CUL7: variants seen among roughly 807,000 people sequenced by gnomAD.
CUL7 encodes the protein cullin-7.
In CUL7, 96 loss-of-function variants were observed where a neutral mutation model predicts 177.7. The ratio of observed to expected loss-of-function variants is 0.54; its 90% CI spans 0.46 to 0.64. CUL7 has a LOEUF of 0.64. Ranked by LOEUF, CUL7 falls within the 30% of genes least tolerant of loss-of-function variation. The pLI, the probability that CUL7 is intolerant of heterozygous loss-of-function variation, is 0.00. For synonymous variants in CUL7, 824 were observed against 890.2 expected (o/e 0.93, Z 1.32); for missense variants, 1,893 against 2,187.9 (o/e 0.87, Z 2.69).
intron 19 of CUL7, among the ~76,000 whole-genome samples, chr6:43,041,685 GGGGAA>G (rs934142606): frequency 1.1e-4 from 16 of 150,556 alleles, no homozygotes; most frequent in African/African-American, 2.7e-4. Context: ...GGGAAAGGAA[GGGGAA>G]GGGAAGGGAA....
chr6:43,041,973 C>T (rs1763455678), intron 19 of CUL7, among the ~76,000 whole-genome samples: 3 of 133,336 alleles, frequency 2.2e-5, no homozygotes, highest in Admixed American at 8.4e-5. Context: ...CACTGCACTC[C>T]AGCCTGGGCA....
chr6:43,045,173 G>T lies in CUL7; in HGVS notation c.3038+54C>A. 1 of 1,572,784 alleles carries T rather than the reference G, an allele frequency of 6.4e-7. No homozygotes were observed. The highest frequency in any genetic ancestry group is 8.7e-7 in the Non-Finnish European group (1 of 1,155,340). ...ATGGACCCCTGCCTGCCAGCTATTT[G>T]CAATAGCCTTACCTTTCCCACAGAC... is the stretch of plus-strand genomic sequence containing the variant. On this transcript the variant is annotated intron_variant, in intron 15 of 25. Coordinates refer to ENST00000265348, the MANE Select transcript of CUL7 (RefSeq NM_014780.5). This position sits in a 1 kb window ranked among gnomAD's most constrained non-coding sequence, Gnocchi z 4.8.
In CUL7 at chr6:43,038,277, A is replaced by G. The variant is rs759300846; in HGVS notation, c.4763T>C (p.Leu1588Pro). 2.5e-6 allele frequency: 4 copies of G among 1,614,040 alleles called. No homozygotes were observed. Among genetic ancestry groups the G allele is most frequent in the East Asian group, 2.2e-5 (1 of 44,894 alleles). Reference sequence around the variant, plus strand: ...CCCACCCCTGCCTACCAGACAGACAAGCTGGTCAATGTGCAGCCCCTCATC... The same window carrying G: ...CCCACCCCTGCCTACCAGACAGACAGGCTGGTCAATGTGCAGCCCCTCATC... Reference protein sequence around the residue: ...HGDEGLHIDQLVCLVLEAWQK... With the variant: ...HGDEGLHIDQPVCLVLEAWQK... The change falls in exon 25 of 26, where the codon CTT (leucine) becomes CCT (proline). Residue 1588 changes from leucine to proline, a missense_variant. By Grantham distance (98) the Leu-to-Pro change is moderately conservative. Transcript: ENST00000265348.
rs759520344 is a variant in CUL7, at chr6:43,049,963, C to G, written c.1569G>C (p.Glu523Asp). 1 of 1,613,750 alleles carries G rather than the reference C, an allele frequency of 6.2e-7. No homozygotes were observed. Among genetic ancestry groups the G allele is most frequent in the East Asian group, 2.2e-5 (1 of 44,886 alleles). ...LQILQENLDG[E>D]ILDDEILAEL... Reference sequence around the variant, plus strand: ...CTGAGTGTCTCCAGGCTGGCTCTACCTCCCCATCTAGGTTCTCCTGGAGGA... The same window carrying G: ...CTGAGTGTCTCCAGGCTGGCTCTACGTCCCCATCTAGGTTCTCCTGGAGGA... Residue 523 changes from glutamate to aspartate, a missense_variant and splice_region_variant, in exon 6 of 26, where the codon GAG becomes GAC. Transcript: ENST00000265348.
rs1447335132 is a variant in CUL7, at chr6:43,050,883, G to T, written c.1233+85C>A. The T allele has an allele frequency of 1.3e-5, 20 of 1,531,838 alleles. No homozygotes were observed. The Admixed American group carries it at 2.9e-4, about 22-fold the overall frequency. The allele number at this position is 1,531,838 out of a possible 1,614,324, so 94.9% of individuals were successfully genotyped here. A position where few individuals can be genotyped will look rare whatever the true frequency, so the allele number is the denominator to read the frequency against. ...CTAAAGCTTTCTCTTTGGGTGGCCT[G>T]CTGGAGCCCCCCCATATAGAAGTCC... On this transcript the variant is annotated intron_variant, in intron 4 of 25. Transcript: ENST00000265348. The surrounding 1 kb of genome is among the most constrained non-coding windows in gnomAD (Gnocchi z 4.1).
Position 43,053,448 on chromosome 6 carries a change from T to C in CUL7, c.-9+174A>G, listed in dbSNP as rs895468603. 1.3e-5 allele frequency among the ~76,000 whole-genome samples: 2 copies of C among 150,556 alleles called. No homozygotes were observed. Among genetic ancestry groups the C allele is most frequent in the African/African-American group, 2.5e-5 (1 of 40,778 alleles). ...TAGGCGAGGGGCTTGGGGACCGAGG[T>C]TGGAGACTGGAGAAGCCAGGGGCGC... On this transcript the variant is annotated intron_variant, in intron 1 of 25. Transcript: ENST00000265348. The surrounding 1 kb of genome is among the most constrained non-coding windows in gnomAD (Gnocchi z 4.1).
chr6:43,050,638 C>T lies in CUL7; in HGVS notation c.1234-240G>A, dbSNP rs1764319386. On this transcript the variant is annotated intron_variant, in intron 4 of 25. Transcript: ENST00000265348. The surrounding 1 kb of genome is among the most constrained non-coding windows in gnomAD (Gnocchi z 4.1). ...CTTCTCCTTTGGGGGATGGGCCTGT[C>T]TCTCCTCTCACCCTGTCTTTCATGG... 6.6e-6 allele frequency among the ~76,000 whole-genome samples: 1 copy of T among 151,146 alleles called. No individual in the cohort carries two copies. Among genetic ancestry groups the T allele is most frequent in the Non-Finnish European group, 1.5e-5 (1 of 67,878 alleles).
In CUL7 at chr6:43,053,662, CACAGA is replaced by C. The variant is rs1764656812; in HGVS notation, c.-54_-50del. The C allele has an allele frequency of 7.1e-7, 1 of 1,399,954 alleles. No individual in the cohort carries two copies. Among genetic ancestry groups the C allele is most frequent in the Non-Finnish European group, 9.2e-7 (1 of 1,082,642 alleles). The allele number at this position is 1,399,954 out of a possible 1,614,324, so 86.7% of individuals were successfully genotyped here. ...GGGTCCTGGCGCGAGGCCTGTCCTT[CACAGA>C]GCAAGGGACGCGGCACAGACGCTGG... is the stretch of plus-strand genomic sequence containing the variant. On this transcript the variant is annotated 5_prime_UTR_variant, in exon 1 of 26. Coordinates refer to ENST00000265348, the MANE Select transcript of CUL7 (RefSeq NM_014780.5). This position sits in a 1 kb window ranked among gnomAD's most constrained non-coding sequence, Gnocchi z 4.1.
At position 43,053,711 on chromosome 6, in the gene CUL7, C is replaced by G; in HGVS notation, c.-98G>C. 2 of 1,439,608 alleles carry G rather than the reference C, an allele frequency of 1.4e-6. No homozygotes were observed. Among genetic ancestry groups the G allele is most frequent in the East Asian group, 2.7e-5 (1 of 36,826 alleles). 89.2% of individuals were successfully genotyped at this position (1,439,608 alleles called of 1,614,324 possible). On this transcript the variant is annotated 5_prime_UTR_variant, in exon 1 of 26. Coordinates refer to ENST00000265348, the MANE Select transcript of CUL7 (RefSeq NM_014780.5). The surrounding 1 kb of genome is among the most constrained non-coding windows in gnomAD (Gnocchi z 4.1). ...ACGCTGGCGGCGACTTGGGCCCCAC[C>G]TGGGCCCCGCGAGGGGGTCGAGACG...
chr6:43,053,777 A>T lies in CUL7; in HGVS notation c.-164T>A. 6.5e-7 allele frequency: 1 copy of T among 1,531,090 alleles called. No homozygotes were observed. 94.8% of individuals were successfully genotyped at this position (1,531,090 alleles called of 1,614,324 possible). A position where few individuals can be genotyped will look rare whatever the true frequency, so the allele number is the denominator to read the frequency against. ...GCGTGCCTCCGCGGAACAGAGCTGC[A>T]CCCGCGTGAGTCGGCAGCCACTGGG... On this transcript the variant is annotated 5_prime_UTR_variant, in exon 1 of 26. Transcript: ENST00000265348. This position sits in a 1 kb window ranked among gnomAD's most constrained non-coding sequence, Gnocchi z 4.1.
At position 43,038,426 on chromosome 6, in the gene CUL7, C is replaced by T; in HGVS notation, c.4614G>A (p.Trp1538Ter). The T allele has an allele frequency of 1.9e-6, 3 of 1,614,194 alleles. No homozygotes were observed. Among genetic ancestry groups the T allele is most frequent in the Non-Finnish European group, 2.5e-6 (3 of 1,180,048 alleles). Residue 1538 changes from tryptophan to a stop codon, truncating the protein, a stop_gained, in exon 25 of 26, where the codon TGG becomes TGA. Coordinates refer to ENST00000265348, the MANE Select transcript of CUL7 (RefSeq NM_014780.5). LOFTEE classifies it high-confidence loss of function. Reference protein sequence around the residue: ...RDGSKEPRSRWDIVRLIPPQT... With the variant: ...RDGSKEPRSR ...GAGGTGGGATGAGCCGCACAATGTC[C>T]CATCTCGACCTGGGTTCCTTGCTGC...
chr6:43,050,504 GT>G lies in CUL7; in HGVS notation c.1234-107del. 8.2e-7 allele frequency: 1 copy of G among 1,217,652 alleles called. No individual in the cohort carries two copies. The allele number at this position is 1,217,652 out of a possible 1,614,324, so 75.4% of individuals were successfully genotyped here. A position where few individuals can be genotyped will look rare whatever the true frequency, so the allele number is the denominator to read the frequency against. ...GCCCTCAGGGTGACCACCTGGCCAGGTTTTAGAAAAACCTCCACATAACAAA... is the reference window on the plus strand; with the variant it reads ...GCCCTCAGGGTGACCACCTGGCCAGGTTTAGAAAAACCTCCACATAACAAA... On this transcript the variant is annotated intron_variant, in intron 4 of 25. Transcript: ENST00000265348. The surrounding 1 kb of genome is among the most constrained non-coding windows in gnomAD (Gnocchi z 4.1).
chr6:43,044,150 C>T (rs1452678194), intron 16 of CUL7, among the ~76,000 whole-genome samples: 2 of 151,900 alleles, frequency 1.3e-5, no homozygotes, highest in Non-Finnish European at 2.9e-5. Context: ...TGGAGAAACC[C>T]CATCTCTACT....
At chr6:43,044,726 AT>A (rs1356916565) in intron 16 of CUL7, 25 bp downstream of exon 16, 1 of 1,595,098 alleles carries the variant, frequency 6.3e-7, no homozygotes, top group Non-Finnish European at 8.6e-7. Flanking sequence ...TGAGATAGTA[AT>A]GGGTCCAGAT....
In CUL7 at chr6:43,053,710, C is replaced by G. The variant is rs1400271276; in HGVS notation, c.-97G>C. The G allele has an allele frequency of 2.8e-6, 4 of 1,438,186 alleles. No individual in the cohort carries two copies. The highest frequency in any genetic ancestry group is 3.6e-6 in the Non-Finnish European group (4 of 1,099,698). 89.1% of individuals were successfully genotyped at this position (1,438,186 alleles called of 1,614,324 possible). A position where few individuals can be genotyped will look rare whatever the true frequency, so the allele number is the denominator to read the frequency against. The stretch of plus-strand genomic sequence containing the variant: ...GACGCTGGCGGCGACTTGGGCCCCA[C>G]CTGGGCCCCGCGAGGGGGTCGAGAC... On this transcript the variant is annotated 5_prime_UTR_variant, in exon 1 of 26. Transcript: ENST00000265348. The surrounding 1 kb of genome is among the most constrained non-coding windows in gnomAD (Gnocchi z 4.1).
chr6:43,051,974 T>C lies in CUL7; in HGVS notation c.581-211A>G. The C allele has an allele frequency of 1.1e-6, 1 of 931,390 alleles. No homozygotes were observed. The highest frequency in any genetic ancestry group is 1.6e-6 in the Non-Finnish European group (1 of 621,998). The allele number at this position is 931,390 out of a possible 1,614,324, so 57.7% of individuals were successfully genotyped here. The stretch of plus-strand genomic sequence containing the variant: ...ATAGTCTAAACTCTAAATTCTTCCT[T>C]TGCATAAAAAGCAACTAATTAATAT... On this transcript the variant is annotated intron_variant, in intron 2 of 25. Coordinates refer to ENST00000265348, the MANE Select transcript of CUL7 (RefSeq NM_014780.5). This position sits in a 1 kb window ranked among gnomAD's most constrained non-coding sequence, Gnocchi z 5.0.
At chr6:43,041,480 C>T (rs1286123961) in intron 19 of CUL7, among the ~76,000 whole-genome samples, 1 of 152,012 alleles carries the variant, frequency 6.6e-6, no homozygotes. Flanking sequence ...TGGTGGCACA[C>T]GCCTATGGTC....
chr6:43,053,842 CA>C lies in CUL7; in HGVS notation c.-230del. 1 of 1,533,172 alleles carries C rather than the reference CA, an allele frequency of 6.5e-7. No homozygotes were observed. Among genetic ancestry groups the C allele is most frequent in the South Asian group, 1.2e-5 (1 of 83,958 alleles). 95.0% of individuals were successfully genotyped at this position (1,533,172 alleles called of 1,614,324 possible). A position where few individuals can be genotyped will look rare whatever the true frequency, so the allele number is the denominator to read the frequency against. On this transcript the variant is annotated 5_prime_UTR_variant, in exon 1 of 26. Transcript: ENST00000265348. This position sits in a 1 kb window ranked among gnomAD's most constrained non-coding sequence, Gnocchi z 4.1. The stretch of plus-strand genomic sequence containing the variant: ...GGTCCCTGCCAGCGGCTCCGCCAGC[CA>C]AAAGCCACGGCTCATTTCCGCCCGA...
rs369045809 is a variant in CUL7, at chr6:43,038,470, C to T, written c.4570G>A (p.Val1524Ile). ...TTGCTGCCATCTCGAATCTTGAGGA[C>T]CCCTGAAATAAATGCTGATCACTCA... ...LHEQKDIPGGVLKIRDGSKEP... is the reference protein window; with the variant it reads ...LHEQKDIPGGILKIRDGSKEP... The change falls in exon 25 of 26, where the codon GTC (valine) becomes ATC (isoleucine). Residue 1524 changes from valine to isoleucine, a missense_variant and splice_region_variant. Physicochemically the swap from Val to Ile is conservative, Grantham distance 29. This residue lies in a region of CUL7 where 248 missense variants were observed against 262.5 expected (regional missense o/e 0.94). Transcript: ENST00000265348. The T allele has an allele frequency of 2.2e-5, 36 of 1,614,120 alleles. No homozygotes were observed. The highest frequency in any genetic ancestry group is 1.6e-4 in the Middle Eastern group (1 of 6,062).
Sources: gnomAD v4.1 joint callset for allele counts (sites outside exome capture counted in the v4.1 genomes callset) on GRCh38, gnomAD v4.1.1 for gene constraint, gnomAD v4.1.1 regional missense constraint, Gnocchi (gnomAD v3.1) non-coding constraint, MANE v1.5 for transcripts, NCBI Gene and HGNC (gene_info 2026-07-23, HGNC 2026-07-21) for gene names.